UPK1B: variants seen among roughly 807,000 people sequenced by gnomAD.
UPK1B encodes the protein uroplakin-1b.
UPK1B carries 28 observed loss-of-function variants against 34.2 expected under a neutral mutation model. That is an observed-to-expected ratio of 0.82 (90% confidence interval 0.61 to 1.12). The LOEUF (loss-of-function observed/expected upper bound fraction) is 1.12, where lower values mean the gene tolerates loss of function less well. Among genes scored for constraint, UPK1B ranks in the 50% most tolerant of loss-of-function variants. UPK1B has a pLI of 0.00. For missense variants in UPK1B, 325 were observed against 320.9 expected (o/e 1.01, Z -0.10); for synonymous variants, 81 against 110.4 (o/e 0.73, Z 1.67).
At chr3:119,198,469 T>C (rs1462045628) in intron 6 of UPK1B, among the ~76,000 whole-genome samples, 1 of 152,210 alleles carries the variant, frequency 6.6e-6, no homozygotes, top group Non-Finnish European at 1.5e-5. Context: ...AATGGATGAT[T>C]TGGTGAATAA....
intron 1 of UPK1B, among the ~76,000 whole-genome samples, chr3:119,174,737 C>G (rs1320700470): frequency 2.6e-5 from 4 of 152,168 alleles, no homozygotes; most frequent in African/African-American, 9.6e-5. Flanking sequence ...TGAGTATAAA[C>G]AAAATTTAGG....
chr3:119,180,724 T>G (rs1342607888), intron 1 of UPK1B, among the ~76,000 whole-genome samples: 1 of 152,130 alleles, frequency 6.6e-6, no homozygotes, highest in African/African-American at 2.4e-5. Flanking sequence ...AAGCTTTTCT[T>G]TTTTAACCTA....
intron 6 of UPK1B, among the ~76,000 whole-genome samples, chr3:119,195,326 G>A (rs990515151): frequency 2.0e-5 from 3 of 152,176 alleles, no homozygotes; most frequent in Non-Finnish European, 4.4e-5. Flanking sequence ...CCTCTTTAAG[G>A]AAAGCTAGTT....
intron 1 of UPK1B, among the ~76,000 whole-genome samples, chr3:119,178,109 A>C (rs2077966246): frequency 1.3e-5 from 2 of 152,228 alleles, no homozygotes; most frequent in African/African-American, 4.8e-5. Context: ...GCACGCAGTG[A>C]AAAATGGCAG....
chr3:119,191,156 G>A (rs1181474614), intron 5 of UPK1B, 52 bp downstream of exon 5: 1 of 1,599,804 alleles, frequency 6.3e-7, no homozygotes, highest in Non-Finnish European at 8.5e-7. Flanking sequence ...GGTGGGAGTG[G>A]GTGTCATACA....
intron 6 of UPK1B, among the ~76,000 whole-genome samples, chr3:119,196,944 A>G (rs114224978): frequency 3.3e-5 from 5 of 152,002 alleles, no homozygotes; most frequent in African/African-American, 1.2e-4. Context: ...CCTGGGCTCG[A>G]GTGATCCTCC....
At chr3:119,197,210 A>G (rs887260388) in intron 6 of UPK1B, among the ~76,000 whole-genome samples, 5 of 152,180 alleles carry the variant, frequency 3.3e-5, no homozygotes, top group Admixed American at 2.0e-4. Context: ...GCAAATATAT[A>G]TATATTCTAT....
intron 6 of UPK1B, among the ~76,000 whole-genome samples, chr3:119,195,972 T>C (rs2078065616): frequency 8.1e-6 from 1 of 122,986 alleles, no homozygotes; most frequent in Non-Finnish European, 2.0e-5. Context: ...CCTGGCCTCA[T>C]CTGTTCTAAC....
chr3:119,204,082 T>C lies in UPK1B; in HGVS notation c.*115T>C. On this transcript the variant is annotated 3_prime_UTR_variant, in exon 8 of 8. Coordinates refer to ENST00000264234, the MANE Select transcript of UPK1B (RefSeq NM_006952.4). Reference sequence around the variant, plus strand: ...CCCACACTAACGTGTGTGTCTTACATTGCCAAGTCAGATGGTACGGACTTC... The same window carrying C: ...CCCACACTAACGTGTGTGTCTTACACTGCCAAGTCAGATGGTACGGACTTC... The C allele has an allele frequency of 8.2e-7, 1 of 1,215,100 alleles. No homozygotes were observed. Among genetic ancestry groups the C allele is most frequent in the Non-Finnish European group, 1.2e-6 (1 of 837,842 alleles). 75.3% of individuals were successfully genotyped at this position (1,215,100 alleles called of 1,614,324 possible). A position where few individuals can be genotyped will look rare whatever the true frequency, so the allele number is the denominator to read the frequency against.
chr3:119,175,937 T>C (rs2077954849), intron 1 of UPK1B: 1 of 152,250 alleles, frequency 6.6e-6, no homozygotes, highest in African/African-American at 2.4e-5. Context: ...GAAAAACTTA[T>C]GGGCACTGTG....
chr3:119,186,820 G>T lies in UPK1B; in HGVS notation c.69+10G>T. On this transcript the variant is annotated intron_variant, in intron 2 of 7. Coordinates refer to ENST00000264234, the MANE Select transcript of UPK1B (RefSeq NM_006952.4). The stretch of plus-strand genomic sequence containing the variant: ...AAATGTGATTATTGGTGTAAGTAAT[G>T]ATTATTTTCCAGGAAATTCTGCACT... 1 of 1,613,222 alleles carries T rather than the reference G, an allele frequency of 6.2e-7. No homozygotes were observed. Among genetic ancestry groups the T allele is most frequent in the Non-Finnish European group, 8.5e-7 (1 of 1,179,402 alleles).
rs901095092 is a variant in UPK1B at position 119,190,287 on chromosome 3, T to C, written c.313T>C (p.Ser105Pro). The C allele has an allele frequency of 1.2e-6, 2 of 1,612,648 alleles. No homozygotes were observed. The highest frequency in any genetic ancestry group is 1.7e-5 in the Admixed American group (1 of 59,984). ...TATAGTATATGCCTTTGAAGTGGCA[T>C]CTTGTATCACAGCAGCAACACAACA... ...MFIVYAFEVA[S>P]CITAATQQDF... Residue 105 changes from serine (S) to proline (P), a missense_variant, in exon 4 of 8, where the codon TCT becomes CCT. By Grantham distance (74) the Ser-to-Pro change is moderately conservative. Coordinates refer to ENST00000264234, the MANE Select transcript of UPK1B (RefSeq NM_006952.4).
rs893938735 is a variant in UPK1B at position 119,186,808 on chromosome 3, G to A, written c.67G>A (p.Gly23Ser). 10 of 1,613,710 alleles carry A rather than the reference G, an allele frequency of 6.2e-6. No individual in the cohort carries two copies. The highest frequency in any genetic ancestry group is 1.6e-4 in the Middle Eastern group (1 of 6,084). Residue 23 changes from glycine (G) to serine (S), a missense_variant and splice_region_variant, in exon 2 of 8, where the codon GGT (glycine) becomes AGT (serine). By Grantham distance (56) the Gly-to-Ser change is moderately conservative. Transcript: ENST00000264234. ...GLLIFGNVIIGCCGIALTAEC... is the reference protein window; with the variant it reads ...GLLIFGNVIISCCGIALTAEC... ...GCTGATTTTTGGAAATGTGATTATT[G>A]GTGTAAGTAATGATTATTTTCCAGG...
chr3:119,204,968 A>G lies in UPK1B; in HGVS notation c.*1001A>G, dbSNP rs1321726009. ...TTGCCCTGAATGGTCTCAGCTTGAG[A>G]CCATTTCAAACTGGAGAGAAGCAAG... is the stretch of plus-strand genomic sequence containing the variant. On this transcript the variant is annotated 3_prime_UTR_variant, in exon 8 of 8. Transcript: ENST00000264234. 1.3e-5 allele frequency: 2 copies of G among 152,176 alleles called. No homozygotes were observed. Among genetic ancestry groups the G allele is most frequent in the Admixed American group, 1.3e-4 (2 of 15,286 alleles). The allele number at this position is 152,176 out of a possible 1,614,324, so 9.4% of individuals were successfully genotyped here.
At chr3:119,179,434 G>A (rs2077977781) in intron 1 of UPK1B, among the ~76,000 whole-genome samples, 1 of 136,216 alleles carries the variant, frequency 7.3e-6, no homozygotes, top group Non-Finnish European at 1.6e-5. Flanking sequence ...ATGTGATTGT[G>A]GGGGCTGACA....
At position 119,204,086 on chromosome 3, in the gene UPK1B, C is replaced by A; in HGVS notation, c.*119C>A. The A allele has an allele frequency of 2.6e-6, 3 of 1,154,498 alleles. No individual in the cohort carries two copies. The highest frequency in any genetic ancestry group is 2.5e-6 in the Non-Finnish European group (2 of 784,658). The allele number at this position is 1,154,498 out of a possible 1,614,324, so 71.5% of individuals were successfully genotyped here. A position where few individuals can be genotyped will look rare whatever the true frequency, so the allele number is the denominator to read the frequency against. On this transcript the variant is annotated 3_prime_UTR_variant, in exon 8 of 8. Transcript: ENST00000264234. The stretch of plus-strand genomic sequence containing the variant: ...CACTAACGTGTGTGTCTTACATTGC[C>A]AAGTCAGATGGTACGGACTTCCTTT...
chr3:119,187,730 C>A, intron 2 of UPK1B, 45 bp from the exon 3 acceptor site: 1 of 1,601,874 alleles, frequency 6.2e-7, no homozygotes, highest in Non-Finnish European at 8.5e-7. Flanking sequence ...ACCCCCTTTC[C>A]CAAAGCTGCA....
chr3:119,192,589 C>T (rs931765381), intron 5 of UPK1B, among the ~76,000 whole-genome samples: 29 of 152,118 alleles, frequency 1.9e-4, no homozygotes, highest in Non-Finnish European at 3.4e-4. Context: ...GTTGATGACC[C>T]GACCTCATAT....
In UPK1B at chr3:119,203,900, G is replaced by T. The variant is rs758283438; in HGVS notation, c.733-17G>T. The T allele has an allele frequency of 2.3e-5, 37 of 1,612,850 alleles. No individual in the cohort carries two copies. The highest frequency in any genetic ancestry group is 3.1e-5 in the Non-Finnish European group (37 of 1,179,284). On this transcript the variant is annotated splice_polypyrimidine_tract_variant and intron_variant, in intron 7 of 7. Transcript: ENST00000264234. ...AACAATCCCTTGTTTATTTTTCCTTGTTTTTTTCTATTCCAGTTTTGGGTT... is the reference window on the plus strand; with the variant it reads ...AACAATCCCTTGTTTATTTTTCCTTTTTTTTTTCTATTCCAGTTTTGGGTT...
Sources: gnomAD v4.1 joint callset for allele counts (sites outside exome capture counted in the v4.1 genomes callset) on GRCh38, gnomAD v4.1.1 for gene constraint, MANE v1.5 for transcripts, NCBI Gene and HGNC (gene_info 2026-07-23, HGNC 2026-07-21) for gene names.